Variants in KNTC1 observed in about 807,000 individuals in gnomAD.
KNTC1 encodes the protein kinetochore-associated protein 1.
KNTC1 carries 253 observed loss-of-function variants against 314.4 expected under a neutral mutation model. The observed-to-expected ratio is 0.80, with a 90% confidence interval of 0.73 to 0.89. The LOEUF (loss-of-function observed/expected upper bound fraction) is 0.89. Among genes scored for constraint, KNTC1 ranks in the 40% least tolerant of loss-of-function variants. KNTC1 has a pLI of 0.00. For missense variants in KNTC1, 2,475 were observed against 2,572.9 expected, an observed-to-expected ratio of 0.96 and a Z score of 0.82; for synonymous variants, 901 against 901.4, an observed-to-expected ratio of 1.00 and a Z score of 0.01.
chr12:122,608,843 A>G (rs143669153), intron 51 of KNTC1, among the ~76,000 whole-genome samples: 61 of 152,208 alleles, frequency 4.0e-4, no homozygotes, highest in Non-Finnish European at 6.8e-4. Flanking sequence ...GGATTGTTTG[A>G]GGCGAGGGGT....
At chr12:122,598,161 T>G (rs1258652813) in intron 44 of KNTC1, among the ~76,000 whole-genome samples, 3 of 152,182 alleles carry the variant, frequency 2.0e-5, no homozygotes, top group Non-Finnish European at 4.4e-5. Context: ...ACCTTACACA[T>G]TCTTTGAATT....
At chr12:122,605,967 C>T (rs552379257) in intron 51 of KNTC1, among the ~76,000 whole-genome samples, 2 of 152,154 alleles carry the variant, frequency 1.3e-5, no homozygotes, top group South Asian at 2.1e-4. Flanking sequence ...CTCAGCCTCC[C>T]GAGTAGCTGG....
At chr12:122,566,071 G>A (rs1455156680) in intron 20 of KNTC1, among the ~76,000 whole-genome samples, 1 of 148,588 alleles carries the variant, frequency 6.7e-6, no homozygotes, top group Non-Finnish European at 1.5e-5. Context: ...ACCTCCTGAG[G>A]AGCTGGGATT....
chr12:122,625,896 C>T (rs1218922006), intron 63 of KNTC1, among the ~76,000 whole-genome samples: 1 of 151,998 alleles, frequency 6.6e-6, no homozygotes, highest in Non-Finnish European at 1.5e-5. Flanking sequence ...TTTTTTCTTC[C>T]TTTGGTCCAG....
intron 33 of KNTC1, among the ~76,000 whole-genome samples, chr12:122,581,088 TTC>T (rs367845063): frequency 1.2e-4 from 18 of 149,488 alleles, no homozygotes; most frequent in Admixed American, 2.7e-4. Context: ...CTGGTTTTCC[TTC>T]TCTCTCTCTC....
At position 122,622,613 on chromosome 12, in the gene KNTC1, T is replaced by TTAA; in HGVS notation, c.6515+8_6515+10dup. The TTAA allele has an allele frequency of 6.7e-7, 1 of 1,502,234 alleles. No individual in the cohort carries two copies. The highest frequency in any genetic ancestry group is 2.5e-5 in the East Asian group (1 of 40,498). 93.1% of individuals were successfully genotyped at this position (1,502,234 alleles called of 1,614,324 possible). On this transcript the variant is annotated splice_region_variant and intron_variant, in intron 62 of 63. Transcript: ENST00000333479. ...TATTTGGCAAATGACTTAAGGTAAG[T>TTAA]TAATTAAAAAAAAAAAAACTTACTG...
chr12:122,565,831 G>C (rs1259328582), intron 20 of KNTC1, among the ~76,000 whole-genome samples: 5 of 152,046 alleles, frequency 3.3e-5, no homozygotes, highest in Non-Finnish European at 5.9e-5. Context: ...GCTGCAGTAA[G>C]CTGTGATTGT....
intron 20 of KNTC1, among the ~76,000 whole-genome samples, chr12:122,564,642 T>A (rs537651182): frequency 3.9e-4 from 60 of 152,212 alleles, no homozygotes; most frequent in Admixed American, 8.5e-4. Context: ...CTAATTTTTT[T>A]AATTATTTTT....
intron 2 of KNTC1, among the ~76,000 whole-genome samples, chr12:122,530,670 T>G (rs1223754526): frequency 1.3e-5 from 2 of 152,020 alleles, no homozygotes; most frequent in Non-Finnish European, 2.9e-5. Flanking sequence ...AGGCTGGTCT[T>G]GAACTCCTGG....
intron 5 of KNTC1, among the ~76,000 whole-genome samples, chr12:122,541,606 A>C (rs182391562): frequency 7.9e-4 from 120 of 151,422 alleles, no homozygotes; most frequent in African/African-American, 2.8e-3. Flanking sequence ...TGGCCTCCCA[A>C]AGTGTTGGCA....
chr12:122,602,594 A>G lies in KNTC1; in HGVS notation c.4679A>G (p.Lys1560Arg). Residue 1560 changes from lysine (K) to arginine (R), a missense_variant, in exon 46 of 64, where the codon AAG becomes AGG. Lys to Arg is a conservative substitution (Grantham distance 26). Coordinates refer to ENST00000333479, the MANE Select transcript of KNTC1 (RefSeq NM_014708.6). ...GCATTGAGTATTCTGAAACATTTGA[A>G]GTCATACAGAAGAATTTCTCCTCCC... ...NQALSILKHL[K>R]SYRRISPPVD... 1 of 1,610,346 alleles carries G rather than the reference A, an allele frequency of 6.2e-7. No individual in the cohort carries two copies. The highest frequency in any genetic ancestry group is 1.1e-5 in the South Asian group (1 of 90,598).
At chr12:122,608,605 A>T (rs1872774584) in intron 51 of KNTC1, among the ~76,000 whole-genome samples, 1 of 152,208 alleles carries the variant, frequency 6.6e-6, no homozygotes, top group Admixed American at 6.5e-5. Flanking sequence ...AGATGTTTTA[A>T]CTTACATGTA....
At chr12:122,615,900 T>G (rs1321874771) in intron 57 of KNTC1, among the ~76,000 whole-genome samples, 1 of 152,204 alleles carries the variant, frequency 6.6e-6, no homozygotes, top group Non-Finnish European at 1.5e-5. Flanking sequence ...ACTGTTTTCC[T>G]GAGTTTTCCA....
At chr12:122,619,965 T>TC (rs1295748419) in intron 59 of KNTC1, 1 of 151,992 alleles carries the variant, frequency 6.6e-6, no homozygotes, top group African/African-American at 2.4e-5. Context: ...GGTCAGGAGT[T>TC]CGAGACCAGC....
chr12:122,546,386 G>C lies in KNTC1; in HGVS notation c.763+117G>C. 7.3e-6 allele frequency: 5 copies of C among 687,768 alleles called. No homozygotes were observed. The South Asian group carries it at 9.2e-5, about 13-fold the overall frequency. The allele number at this position is 687,768 out of a possible 1,614,324, so 42.6% of individuals were successfully genotyped here. On this transcript the variant is annotated intron_variant, in intron 9 of 63. Coordinates refer to ENST00000333479, the MANE Select transcript of KNTC1 (RefSeq NM_014708.6). ...CCCTACCACTCTTTGAAACAAGCCA[G>C]AATAGCTTGATGGTTGTTCACATAC...
Position 122,613,178 on chromosome 12 carries a change from G to C in KNTC1, c.5689G>C (p.Ala1897Pro). The C allele has an allele frequency of 6.2e-7, 1 of 1,613,202 alleles. No homozygotes were observed. ...TRALQCLFYL[A>P]DKETIESLFK... ...AGCTCTTCAGTGTCTCTTCTATTTG[G>C]CTGACAAGGAAACTATAGAATCTCT... is the stretch of plus-strand genomic sequence containing the variant. The change falls in exon 54 of 64, where the codon GCT (alanine) becomes CCT (proline). Residue 1897 changes from alanine to proline, a missense_variant. Ala to Pro is a conservative substitution (Grantham distance 27, BLOSUM62 -1). Transcript: ENST00000333479.
intron 13 of KNTC1, among the ~76,000 whole-genome samples, chr12:122,550,396 C>T (rs1323139190): frequency 6.6e-6 from 1 of 151,914 alleles, no homozygotes; most frequent in Admixed American, 6.6e-5. Context: ...TTATTATAAA[C>T]TCTTCTAGAT....
In KNTC1 at chr12:122,587,785, G is replaced by A. The variant is rs545220073; in HGVS notation, c.3805G>A (p.Glu1269Lys). Residue 1269 changes from glutamate (E) to lysine (K), a missense_variant, in exon 39 of 64, where the codon GAG becomes AAG. Transcript: ENST00000333479. ...LQNLQESSQW[E>K]LALRFVVGSF... ...GAATCTTCAGGAATCTAGCCAGTGG[G>A]AGCTAGCCCTAAGATTTGTGGTTGG... 1.2e-6 allele frequency: 2 copies of A among 1,613,740 alleles called. No individual in the cohort carries two copies. Among genetic ancestry groups the A allele is most frequent in the Admixed American group, 3.3e-5 (2 of 60,006 alleles).
At chr12:122,559,377 T>C (rs1162514580) in intron 18 of KNTC1, among the ~76,000 whole-genome samples, 1 of 152,066 alleles carries the variant, frequency 6.6e-6, no homozygotes, top group African/African-American at 2.4e-5. Flanking sequence ...TCAGGGTTCA[T>C]CCATGCTGTA....
Sources: allele counts gnomAD v4.1 joint callset (sites outside exome capture counted in the v4.1 genomes callset), GRCh38; gene constraint gnomAD v4.1.1; transcripts MANE v1.5; gene names NCBI Gene and HGNC (gene_info 2026-07-23, HGNC 2026-07-21).